DNER: variants seen among roughly 807,000 people sequenced by gnomAD.
DNER encodes the protein delta and Notch-like epidermal growth factor-related receptor.
DNER carries 33 observed loss-of-function variants against 78.2 expected under a neutral mutation model. That is an observed-to-expected ratio of 0.42 (90% CI 0.32 to 0.56). The LOEUF is 0.56. Ranked by LOEUF, DNER falls within the 20% of genes least tolerant of loss-of-function variation. DNER has a pLI of 0.11. For missense variants in DNER, 918 were observed against 975.3 expected, an observed-to-expected ratio of 0.94 and a Z score of 0.78; for synonymous variants, 417 against 384.8, an observed-to-expected ratio of 1.08 and a Z score of -0.98.
chr2:229,444,954 A>T (rs761521557), intron 8 of DNER, among the ~76,000 whole-genome samples: 4 of 152,236 alleles, frequency 2.6e-5, no homozygotes, highest in Non-Finnish European at 5.9e-5. Flanking sequence ...CTGGTCTTAC[A>T]ATATTTAATT....
chr2:229,655,708 A>AT (rs1478955572), intron 1 of DNER, among the ~76,000 whole-genome samples: 6 of 152,200 alleles, frequency 3.9e-5, no homozygotes, highest in African/African-American at 1.4e-4. Flanking sequence ...CCTGTTGGGA[A>AT]AAGGGGGTCT....
chr2:229,420,979 C>A (rs568296454), intron 8 of DNER, among the ~76,000 whole-genome samples: 2 of 152,272 alleles, frequency 1.3e-5, no homozygotes, highest in South Asian at 4.1e-4. Flanking sequence ...ATGTTCATTG[C>A]AGCATTATTC....
intron 12 of DNER, among the ~76,000 whole-genome samples, chr2:229,361,604 T>G (rs1487300346): frequency 1.3e-5 from 2 of 152,178 alleles, no homozygotes; most frequent in Non-Finnish European, 2.9e-5. Flanking sequence ...AGAATCGCCC[T>G]TAGTGCTGCT....
At chr2:229,499,736 A>G (rs1218674007) in intron 6 of DNER, among the ~76,000 whole-genome samples, 1 of 152,122 alleles carries the variant, frequency 6.6e-6, no homozygotes, top group African/African-American at 2.4e-5. Flanking sequence ...CATCAAACTA[A>G]AAAGCTTCTG....
chr2:229,474,848 C>T (rs1210680194), intron 7 of DNER, among the ~76,000 whole-genome samples: 1 of 152,264 alleles, frequency 6.6e-6, no homozygotes, highest in African/African-American at 2.4e-5. Context: ...CTTCCAAATC[C>T]GTCTGCCTCT....
At chr2:229,711,054 G>A (rs1699905993) in intron 1 of DNER, among the ~76,000 whole-genome samples, 1 of 150,954 alleles carries the variant, frequency 6.6e-6, no homozygotes, top group African/African-American at 2.4e-5. Flanking sequence ...GACATAATGG[G>A]GCTCTCTGGG....
At chr2:229,612,718 C>A (rs1305316877) in intron 1 of DNER, among the ~76,000 whole-genome samples, 3 of 152,204 alleles carry the variant, frequency 2.0e-5, no homozygotes, top group Non-Finnish European at 4.4e-5. Context: ...ATAGTAGGCA[C>A]AATGAGCTCC....
At chr2:229,563,694 T>C (rs1199984879) in intron 4 of DNER, among the ~76,000 whole-genome samples, 1 of 140,508 alleles carries the variant, frequency 7.1e-6, no homozygotes, top group Non-Finnish European at 1.5e-5. Flanking sequence ...CCCATCACCG[T>C]CATCATCATC....
chr2:229,669,990 T>C (rs1699180573), intron 1 of DNER, among the ~76,000 whole-genome samples: 1 of 152,186 alleles, frequency 6.6e-6, no homozygotes, highest in Non-Finnish European at 1.5e-5. Context: ...GAGAGTCGCA[T>C]CAGCATCCTG....
chr2:229,608,632 G>A (rs1215577747), intron 1 of DNER, among the ~76,000 whole-genome samples: 2 of 152,134 alleles, frequency 1.3e-5, no homozygotes, highest in African/African-American at 4.8e-5. Flanking sequence ...ATACGTCTGT[G>A]CACATTTTAT....
intron 6 of DNER, among the ~76,000 whole-genome samples, chr2:229,482,863 G>C (rs541568298): frequency 6.6e-6 from 1 of 152,106 alleles, no homozygotes; most frequent in Non-Finnish European, 1.5e-5. Flanking sequence ...CTAAGAGAAG[G>C]GTATCAAAGC....
intron 5 of DNER, among the ~76,000 whole-genome samples, chr2:229,545,742 T>C (rs551610078): frequency 6.6e-6 from 1 of 152,306 alleles, no homozygotes; most frequent in Admixed American, 6.5e-5. Context: ...CCACATCTGC[T>C]GAAGAAAAAG....
At chr2:229,571,635 T>G (rs1441525527) in intron 4 of DNER, among the ~76,000 whole-genome samples, 1 of 152,168 alleles carries the variant, frequency 6.6e-6, no homozygotes, top group African/African-American at 2.4e-5. Context: ...CACTTTTAAC[T>G]GCCCACTGAA....
At chr2:229,675,155 T>C (rs1248800138) in intron 1 of DNER, among the ~76,000 whole-genome samples, 2 of 152,296 alleles carry the variant, frequency 1.3e-5, no homozygotes, top group East Asian at 1.9e-4. Flanking sequence ...GAACAAGGTA[T>C]ATGCCATATG....
intron 5 of DNER, among the ~76,000 whole-genome samples, chr2:229,515,643 T>TTTA (rs1695955378): frequency 9.3e-6 from 1 of 107,404 alleles, no homozygotes; most frequent in African/African-American, 3.6e-5. Context: ...AGCTTTATTT[T>TTTA]TTTATTTTTT....
At position 229,447,788 on chromosome 2, in the gene DNER, A is replaced by G. The variant is rs576601992; in HGVS notation, c.1262-248T>C. 1.8e-4 allele frequency among the ~76,000 whole-genome samples: 27 copies of G among 152,298 alleles called. No individual in the cohort carries two copies. The South Asian group carries it at 5.4e-3, about 30-fold the overall frequency. On this transcript the variant is annotated intron_variant, in intron 7 of 12. Coordinates refer to ENST00000341772, the MANE Select transcript of DNER (RefSeq NM_139072.4). ...TATGACTGTTTAGGAGTACATACAT[A>G]CGTGTACATGAATATATTTATGTGC...
At chr2:229,513,265 T>C (rs543670219) in intron 5 of DNER, among the ~76,000 whole-genome samples, 1 of 152,350 alleles carries the variant, frequency 6.6e-6, no homozygotes, top group South Asian at 2.1e-4. Context: ...CTAGAGCAGA[T>C]AGTTTAATGC....
intron 8 of DNER, among the ~76,000 whole-genome samples, chr2:229,439,732 A>G (rs1694194844): frequency 6.6e-6 from 1 of 152,220 alleles, no homozygotes; most frequent in South Asian, 2.1e-4. Context: ...CAGGGCCATA[A>G]GCTTGATGAG....
intron 6 of DNER, among the ~76,000 whole-genome samples, chr2:229,477,916 GT>G (rs1443333822): frequency 6.6e-6 from 1 of 152,202 alleles, no homozygotes; most frequent in Non-Finnish European, 1.5e-5. Context: ...CTACGCACAT[GT>G]GGTGAGGAAA....
Sources: allele counts gnomAD v4.1 joint callset (sites outside exome capture counted in the v4.1 genomes callset), GRCh38; gene constraint gnomAD v4.1.1; transcripts MANE v1.5; gene names NCBI Gene and HGNC (gene_info 2026-07-23, HGNC 2026-07-21).